The following TSPEAR variants were observed in gnomAD, a reference collection of about 807,000 sequenced individuals.
TSPEAR encodes the protein thrombospondin type laminin G domain and EAR repeats, also known as thrombospondin-type laminin G domain and EAR repeat-containing protein.
TSPEAR carries 69 observed loss-of-function variants against 71.6 expected under a neutral mutation model. The ratio of observed to expected loss-of-function variants is 0.96; its 90% CI spans 0.79 to 1.18. The LOEUF is 1.18. TSPEAR is among the 50% of genes most tolerant of loss of function. The pLI, the probability that TSPEAR is intolerant of heterozygous loss-of-function variation, is 0.00. For missense variants in TSPEAR, 971 were observed against 894.9 expected (o/e 1.09, Z -1.09); for synonymous variants, 402 against 387.2 (o/e 1.04, Z -0.45).
chr21:44,694,229 A>T (rs1987235213), intron 1 of TSPEAR, among the ~76,000 whole-genome samples: 1 of 152,274 alleles, frequency 6.6e-6, no homozygotes, highest in Non-Finnish European at 1.5e-5. Context: ...TTATTTATCC[A>T]TAAAAATGAA....
chr21:44,562,527 C>T (rs1476320326), intron 2 of TSPEAR, among the ~76,000 whole-genome samples: 1 of 152,098 alleles, frequency 6.6e-6, no homozygotes, highest in African/African-American at 2.4e-5. Flanking sequence ...CCTCAGAAAA[C>T]TCTAAGGTGG....
chr21:44,533,872 G>GC lies in TSPEAR; in HGVS notation c.354dup (p.Leu119AlafsTer138). The GC allele has an allele frequency of 6.2e-7, 1 of 1,612,334 alleles. No homozygotes were observed. Among genetic ancestry groups the GC allele is most frequent in the Non-Finnish European group, 8.5e-7 (1 of 1,179,888 alleles). ...TGGGCAGGTGACAACCGCAGGCCGA[G>GC]CAGCAGCAGGTCGCTCTCCTCTGCC... On this transcript the variant is annotated frameshift_variant, in exon 3 of 12. Transcript: ENST00000323084. LOFTEE classifies it high-confidence loss of function.
chr21:44,621,881 A>G (rs1982459819), intron 1 of TSPEAR, among the ~76,000 whole-genome samples: 1 of 152,168 alleles, frequency 6.6e-6, no homozygotes, highest in South Asian at 2.1e-4. Flanking sequence ...CAACGCAATC[A>G]ATACATAGAC....
At chr21:44,569,035 A>G (rs1379277356) in intron 1 of TSPEAR, among the ~76,000 whole-genome samples, 4 of 152,160 alleles carry the variant, frequency 2.6e-5, no homozygotes, top group African/African-American at 9.7e-5. Context: ...GCCTGCCTGC[A>G]CGTGGCAGGG....
At position 44,511,301 on chromosome 21, in the gene TSPEAR, G is replaced by A. The variant is rs78535846; in HGVS notation, c.1567-1915C>T. Among the ~76,000 whole-genome samples, 833 of 152,230 alleles carry A rather than the reference G, an allele frequency of 5.5e-3. 4 individuals are homozygous for A. The highest frequency in any genetic ancestry group is 8.3e-3 in the Non-Finnish European group (567 of 68,016). On this transcript the variant is annotated intron_variant, in intron 9 of 11. Transcript: ENST00000323084. The stretch of plus-strand genomic sequence containing the variant: ...ACACAAACATGGATGTGCACTGTGC[G>A]CACACACACATGCACGCCTGCATGC...
chr21:44,628,606 C>T (rs1291838144), intron 1 of TSPEAR, among the ~76,000 whole-genome samples: 10 of 151,932 alleles, frequency 6.6e-5, no homozygotes, highest in Admixed American at 5.2e-4. Context: ...CTGGCTGAGT[C>T]CCACAGACAC....
chr21:44,580,115 T>A, intron 1 of TSPEAR: 1 of 1,601,108 alleles, frequency 6.2e-7, no homozygotes. Flanking sequence ...GCAGCTAGAA[T>A]GCTGGCAGCA....
intron 1 of TSPEAR, among the ~76,000 whole-genome samples, chr21:44,634,429 G>C (rs587688196): frequency 7.2e-5 from 11 of 152,268 alleles, no homozygotes; most frequent in African/African-American, 2.4e-4. Context: ...TTTGGGCAAT[G>C]GTTTTTTAGA....
intron 1 of TSPEAR, chr21:44,601,987 G>C: frequency 1.6e-6 from 1 of 607,892 alleles, no homozygotes; most frequent in East Asian, 2.9e-5. Flanking sequence ...GCCAGCGGGT[G>C]CTCCCAGGCC....
intron 1 of TSPEAR, among the ~76,000 whole-genome samples, chr21:44,582,811 TC>T (rs1979077214): frequency 1.4e-5 from 2 of 146,058 alleles, no homozygotes; most frequent in Non-Finnish European, 1.5e-5. Context: ...TCTCTTTCTT[TC>T]TCTTTCTTTC....
At chr21:44,702,782 G>A (rs1987720754) in intron 1 of TSPEAR, 5 of 1,298,168 alleles carry the variant, frequency 3.9e-6, no homozygotes, top group African/African-American at 1.4e-5. Context: ...CTCTGCTCAG[G>A]CCAGAAGCCC....
chr21:44,517,566 G>A (rs1276620458), intron 9 of TSPEAR: 4 of 350,860 alleles, frequency 1.1e-5, no homozygotes, highest in Non-Finnish European at 2.3e-5. Flanking sequence ...GACTGGCACT[G>A]GCCCATGGGC....
intron 1 of TSPEAR, chr21:44,628,016 A>G (rs376947595): frequency 8.1e-6 from 13 of 1,612,814 alleles, no homozygotes; most frequent in South Asian, 3.3e-5. Flanking sequence ...CCGGCCTGCT[A>G]CAGCTTCTCC....
chr21:44,548,247 A>C (rs1298842345), intron 2 of TSPEAR, among the ~76,000 whole-genome samples: 3 of 152,160 alleles, frequency 2.0e-5, no homozygotes, highest in Non-Finnish European at 4.4e-5. Flanking sequence ...AGCATCCCAC[A>C]TCAGAAACTC....
Position 44,550,785 on chromosome 21 carries a change from C to T in TSPEAR, c.304-16862G>A, listed in dbSNP as rs587620289. 9.9e-6 allele frequency: 16 copies of T among 1,614,234 alleles called. No homozygotes were observed. The East Asian group carries it at 3.1e-4, about 31-fold the overall frequency. ...GAGGGACACAGAGGAGGAGGGTCTG[C>T]AGCAGGAGGAGGTGCAGCAAGCTGG... On this transcript the variant is annotated intron_variant, in intron 2 of 11. Transcript: ENST00000323084.
intron 1 of TSPEAR, among the ~76,000 whole-genome samples, chr21:44,708,947 A>G (rs1988076725): frequency 6.6e-6 from 1 of 152,246 alleles, no homozygotes; most frequent in South Asian, 2.1e-4. Context: ...GAGGAGAGCC[A>G]GGTAGCTCAG....
In TSPEAR at chr21:44,640,905, C is replaced by T. The variant is rs782687761; in HGVS notation, c.82+70528G>A. Among the ~76,000 whole-genome samples, 5 of 152,238 alleles carry T rather than the reference C, an allele frequency of 3.3e-5. 1 individual carries two copies. Among genetic ancestry groups the T allele is most frequent in the African/African-American group, 7.2e-5 (3 of 41,526 alleles). On this transcript the variant is annotated intron_variant, in intron 1 of 11. Transcript: ENST00000323084. ...AGAGCCATTCCATGCCTGCAACCAG[C>T]GGGAGAACCAGGAAGGGTGGGGTTG...
intron 2 of TSPEAR, chr21:44,539,041 G>A: frequency 1.7e-6 from 1 of 594,028 alleles, no homozygotes; most frequent in Non-Finnish European, 2.9e-6. Context: ...TTCAAGTCGA[G>A]GCCAAGTGAC....
intron 1 of TSPEAR, among the ~76,000 whole-genome samples, chr21:44,624,077 A>T (rs587637529): frequency 1.2e-4 from 18 of 151,788 alleles, no homozygotes; most frequent in East Asian, 1.2e-3. Context: ...CATGCTTACT[A>T]CTCCACTTTC....
Sources: allele counts gnomAD v4.1 joint callset (sites outside exome capture counted in the v4.1 genomes callset), GRCh38; gene constraint gnomAD v4.1.1; transcripts MANE v1.5; gene names NCBI Gene and HGNC (gene_info 2026-07-23, HGNC 2026-07-21).